CRACDL: variants seen among roughly 807,000 people sequenced by gnomAD.
CRACDL encodes the protein CRACD like, also known as CRACD-like protein.
CRACDL carries 26 observed loss-of-function variants against 70.6 expected under a neutral mutation model. The observed-to-expected ratio is 0.37, with a 90% CI of 0.27 to 0.51. The LOEUF is 0.51. Among genes scored for constraint, CRACDL ranks in the 20% least tolerant of loss-of-function variants. The pLI is 0.94. For synonymous variants in CRACDL, 618 were observed against 615.2 expected, an observed-to-expected ratio of 1.00 and a Z score of -0.07; for missense variants, 1,283 against 1,376.9, an observed-to-expected ratio of 0.93 and a Z score of 1.08.
chr2:98,901,937 C>A (rs994442706), intron 1 of CRACDL, among the ~76,000 whole-genome samples: 1 of 152,124 alleles, frequency 6.6e-6, no homozygotes, highest in African/African-American at 2.4e-5. Context: ...GACAGGAACA[C>A]AAGAGAAGCT....
At chr2:98,891,104 C>T (rs750361327) in intron 1 of CRACDL, among the ~76,000 whole-genome samples, 15 of 151,628 alleles carry the variant, frequency 9.9e-5, no homozygotes, top group Non-Finnish European at 1.0e-4. Context: ...TTGGGCTGGA[C>T]GCAGTGGCTC....
At chr2:98,879,424 T>C (rs1707576225) in intron 1 of CRACDL, among the ~76,000 whole-genome samples, 1 of 152,242 alleles carries the variant, frequency 6.6e-6, no homozygotes, top group African/African-American at 2.4e-5. Context: ...GACATCAATA[T>C]CTTCCTAGTT....
chr2:98,833,577 C>T (rs768081950), intron 3 of CRACDL, among the ~76,000 whole-genome samples: 13 of 152,252 alleles, frequency 8.5e-5, no homozygotes, highest in Non-Finnish European at 1.5e-4. Flanking sequence ...AACCTCTGTG[C>T]CTGCCTAGAT....
intron 1 of CRACDL, among the ~76,000 whole-genome samples, chr2:98,874,151 C>T (rs746179470): frequency 7.9e-5 from 12 of 152,230 alleles, no homozygotes; most frequent in East Asian, 1.9e-4. Context: ...TGATCAGAAA[C>T]GAGTTAGGTA....
chr2:98,840,672 G>A (rs2104521736), intron 2 of CRACDL: 1 of 152,078 alleles, frequency 6.6e-6, no homozygotes, highest in South Asian at 2.1e-4. Flanking sequence ...TATTTGTTGG[G>A]GAGGTTGCTT....
chr2:98,869,351 G>T, intron 1 of CRACDL: 1 of 1,067,076 alleles, frequency 9.4e-7, no homozygotes, highest in Non-Finnish European at 1.2e-6. Context: ...GGGTGCACAG[G>T]CACACAGCAG....
intron 1 of CRACDL, chr2:98,869,335 T>C (rs1207484140): frequency 3.5e-6 from 4 of 1,150,248 alleles, no homozygotes; most frequent in East Asian, 6.1e-5. Context: ...CGTGAGCTCC[T>C]TGGGCGGGTG....
At chr2:98,888,453 G>C (rs1414811465) in intron 1 of CRACDL, among the ~76,000 whole-genome samples, 2 of 152,158 alleles carry the variant, frequency 1.3e-5, no homozygotes, top group African/African-American at 4.8e-5. Context: ...ATCCAGACTA[G>C]ATTGTTATTA....
chr2:98,892,195 C>T (rs369684897), intron 1 of CRACDL, among the ~76,000 whole-genome samples: 13 of 152,080 alleles, frequency 8.5e-5, no homozygotes, highest in East Asian at 5.8e-4. Flanking sequence ...GGAATCTATT[C>T]TACAGAAATA....
chr2:98,864,458 A>G (rs898836215), intron 1 of CRACDL, among the ~76,000 whole-genome samples: 2 of 152,176 alleles, frequency 1.3e-5, no homozygotes, highest in African/African-American at 4.8e-5. Flanking sequence ...TAATGGGCAC[A>G]AGGTTTCTTT....
At chr2:98,827,575 C>T (rs1705362091) in intron 5 of CRACDL, among the ~76,000 whole-genome samples, 1 of 152,218 alleles carries the variant, frequency 6.6e-6, no homozygotes, top group African/African-American at 2.4e-5. Context: ...CAGGTGTGAG[C>T]CACCGCACCC....
At chr2:98,838,061 G>A in intron 3 of CRACDL, 58 bp downstream of exon 3, 1 of 1,429,332 alleles carries the variant, frequency 7.0e-7, no homozygotes. Flanking sequence ...AAGTTACCAG[G>A]ATAATGAAAT....
rs1361134135 is a variant in CRACDL, at chr2:98,822,360, T to C, written c.1913A>G (p.Gln638Arg). Residue 638 changes from glutamine to arginine, a missense_variant, in exon 7 of 10, where the codon CAG becomes CGG. By Grantham distance (43) the Gln-to-Arg change is conservative. Coordinates refer to ENST00000397899, the MANE Select transcript of CRACDL (RefSeq NM_207362.3). This position sits in a 1 kb window ranked among gnomAD's most constrained non-coding sequence, Gnocchi z 4.9. ...GPRKLAERGP[Q>R]DSGDRAASPA... ...GCTGGCCGCCCTGTCCCCCGAGTCC[T>C]GAGGGCCGCGCTCCGCCAGCTTCCG... 5 of 1,470,156 alleles carry C rather than the reference T, an allele frequency of 3.4e-6. No individual in the cohort carries two copies. In the East Asian group the frequency reaches 1.1e-4, roughly 33 times the overall value. The allele number at this position is 1,470,156 out of a possible 1,614,324, so 91.1% of individuals were successfully genotyped here.
At position 98,794,105 on chromosome 2, in the gene CRACDL, AAG is replaced by A. The variant is rs1421985066; in HGVS notation, c.*425_*426del. On this transcript the variant is annotated 3_prime_UTR_variant, in exon 10 of 10. Coordinates refer to ENST00000397899, the MANE Select transcript of CRACDL (RefSeq NM_207362.3). ...ATGAAAGAAGACAGGATCCACAGGC[AAG>A]AGAGCGACCAGAGACATGGGCTGAT... 2.0e-5 allele frequency: 3 copies of A among 153,684 alleles called. No homozygotes were observed. The highest frequency in any genetic ancestry group is 7.2e-5 in the African/African-American group (3 of 41,466). The allele number at this position is 153,684 out of a possible 1,614,324, so 9.5% of individuals were successfully genotyped here.
At chr2:98,872,582 A>G (rs1707378948) in intron 1 of CRACDL, among the ~76,000 whole-genome samples, 1 of 152,116 alleles carries the variant, frequency 6.6e-6, no homozygotes, top group Non-Finnish European at 1.5e-5. Flanking sequence ...CTGCACTTGT[A>G]CCCCCAGAGT....
rs1262910876 is a variant in CRACDL, at chr2:98,869,007, C to G, written c.-10-22197G>C. 7 of 992,114 alleles carry G rather than the reference C, an allele frequency of 7.1e-6. No homozygotes were observed. In the South Asian group the frequency reaches 9.4e-5, roughly 13 times the overall value. 61.5% of individuals were successfully genotyped at this position (992,114 alleles called of 1,614,324 possible). A position where few individuals can be genotyped will look rare whatever the true frequency, so the allele number is the denominator to read the frequency against. ...CAGGGGATGGTGGCCACCCACGCCC[C>G]GGGAGTCACGGCCTGGCCTCCCCTC... On this transcript the variant is annotated intron_variant, in intron 1 of 9. Coordinates refer to ENST00000397899, the MANE Select transcript of CRACDL (RefSeq NM_207362.3).
At chr2:98,846,582 C>T (rs1573059321) in intron 2 of CRACDL, 149 bp downstream of exon 2, 4 of 625,688 alleles carry the variant, frequency 6.4e-6, no homozygotes, top group South Asian at 4.0e-5. Flanking sequence ...CCAGTCACAG[C>T]GTGAAGGGCC....
intron 1 of CRACDL, among the ~76,000 whole-genome samples, chr2:98,915,996 C>A (rs1442466388): frequency 6.6e-6 from 1 of 152,174 alleles, no homozygotes; most frequent in African/African-American, 2.4e-5. Context: ...CTGGGCCAGG[C>A]CTGAGGAACT....
intron 2 of CRACDL, among the ~76,000 whole-genome samples, chr2:98,840,372 G>A (rs1705973177): frequency 6.6e-6 from 1 of 152,044 alleles, no homozygotes; most frequent in Non-Finnish European, 1.5e-5. Context: ...TACTCTGAAT[G>A]ATTTGAACCC....
Sources: gnomAD v4.1 joint callset for allele counts (sites outside exome capture counted in the v4.1 genomes callset) on GRCh38, gnomAD v4.1.1 for gene constraint, Gnocchi (gnomAD v3.1) non-coding constraint, MANE v1.5 for transcripts, NCBI Gene and HGNC (gene_info 2026-07-23, HGNC 2026-07-21) for gene names.